Variants in KPNA3 observed in about 807,000 individuals in gnomAD.
KPNA3 encodes the protein importin subunit alpha-4.
KPNA3 carries 13 observed loss-of-function variants against 73.8 expected under a neutral mutation model. The observed-to-expected ratio is 0.18, with a 90% confidence interval of 0.11 to 0.28. The LOEUF (loss-of-function observed/expected upper bound fraction) is 0.28, where lower values mean the gene tolerates loss of function less well. KPNA3 is among the 10% of genes least tolerant of loss of function. KPNA3 has a pLI of 1.00. For missense variants in KPNA3, 360 were observed against 618.1 expected (o/e 0.58, Z 4.43); for synonymous variants, 186 against 206.9 (o/e 0.90, Z 0.87).
chr13:49,702,778 T>C (rs1238735675), intron 15 of KPNA3, among the ~76,000 whole-genome samples: 1 of 152,224 alleles, frequency 6.6e-6, no homozygotes, highest in Non-Finnish European at 1.5e-5. Flanking sequence ...GGCATAAATA[T>C]GTAAAGAGAC....
intron 11 of KPNA3, among the ~76,000 whole-genome samples, chr13:49,710,208 G>A (rs1412831988): frequency 1.3e-5 from 2 of 152,204 alleles, no homozygotes; most frequent in African/African-American, 4.8e-5. Context: ...GCTGCGGTGA[G>A]CAGAGATCGC....
intron 1 of KPNA3, among the ~76,000 whole-genome samples, chr13:49,764,779 A>C (rs1274519718): frequency 6.6e-6 from 1 of 151,844 alleles, no homozygotes; most frequent in Admixed American, 6.6e-5. Flanking sequence ...AACCTTTCTC[A>C]ATCTACATTT....
At chr13:49,737,348 C>T (rs937735741) in intron 2 of KPNA3, among the ~76,000 whole-genome samples, 1 of 152,152 alleles carries the variant, frequency 6.6e-6, no homozygotes, top group African/African-American at 2.4e-5. Flanking sequence ...TCCACATCTT[C>T]GCCAGCATTT....
intron 1 of KPNA3, among the ~76,000 whole-genome samples, chr13:49,785,030 T>G (rs1954970644): frequency 6.6e-6 from 1 of 152,062 alleles, no homozygotes; most frequent in Non-Finnish European, 1.5e-5. Flanking sequence ...CAGAGAAGGA[T>G]ATTCCAGTCA....
intron 1 of KPNA3, among the ~76,000 whole-genome samples, chr13:49,789,062 T>G (rs758575935): frequency 1.3e-5 from 2 of 152,154 alleles, no homozygotes; most frequent in Non-Finnish European, 2.9e-5. Context: ...CAGCGCTATT[T>G]CTCCAAAATG....
intron 1 of KPNA3, among the ~76,000 whole-genome samples, chr13:49,784,286 T>TA (rs569825686): frequency 2.0e-3 from 302 of 151,782 alleles, no homozygotes; most frequent in Admixed American, 4.0e-3. Flanking sequence ...TGAAGGGTGG[T>TA]AAAAAAACAA....
chr13:49,757,119 G>A (rs141083468), intron 1 of KPNA3, among the ~76,000 whole-genome samples: 3 of 152,230 alleles, frequency 2.0e-5, no homozygotes, highest in Non-Finnish European at 4.4e-5. Context: ...GGGATCTGGG[G>A]CTAGGCAAAG....
intron 1 of KPNA3, among the ~76,000 whole-genome samples, chr13:49,767,475 T>A (rs868065878): frequency 6.6e-6 from 1 of 151,480 alleles, no homozygotes; most frequent in Non-Finnish European, 1.5e-5. Context: ...TAAAAAGAAC[T>A]ATTACAAATT....
At chr13:49,777,012 C>T (rs1250873675) in intron 1 of KPNA3, among the ~76,000 whole-genome samples, 1 of 152,210 alleles carries the variant, frequency 6.6e-6, no homozygotes, top group East Asian at 1.9e-4. Context: ...ATATGCATCT[C>T]TACAATCTGT....
Position 49,701,127 on chromosome 13 carries a change from T to A in KPNA3, c.*673A>T, listed in dbSNP as rs958032159. ...AATGGCAAAAGCATTAATATCCATA[T>A]CTAAAGTTCTTCCTCCAACCCTGGC... On this transcript the variant is annotated 3_prime_UTR_variant, in exon 17 of 17. Coordinates refer to ENST00000261667, the MANE Select transcript of KPNA3 (RefSeq NM_002267.4). 40 of 161,310 alleles carry A rather than the reference T, an allele frequency of 2.5e-4. No individual in the cohort carries two copies. Among genetic ancestry groups the A allele is most frequent in the African/African-American group, 8.7e-4 (36 of 41,452 alleles). The allele number at this position is 161,310 out of a possible 1,614,324, so 10.0% of individuals were successfully genotyped here.
At chr13:49,760,216 C>G (rs1954747483) in intron 1 of KPNA3, among the ~76,000 whole-genome samples, 1 of 151,990 alleles carries the variant, frequency 6.6e-6, no homozygotes, top group Non-Finnish European at 1.5e-5. Context: ...TCAAGACCAG[C>G]CTGGGCAACA....
At chr13:49,769,700 G>GGA (rs1235161063) in intron 1 of KPNA3, among the ~76,000 whole-genome samples, 12 of 152,132 alleles carry the variant, frequency 7.9e-5, no homozygotes, top group African/African-American at 2.9e-4. Flanking sequence ...CATTTGGGTT[G>GGA]TTTCCACTTT....
At chr13:49,732,544 A>C in intron 5 of KPNA3, 61 bp downstream of exon 5, 1 of 1,449,402 alleles carries the variant, frequency 6.9e-7, no homozygotes, top group Non-Finnish European at 9.6e-7. Context: ...TAACTTCTAG[A>C]CTACCAGGTA....
intron 7 of KPNA3, 105 bp from the exon 8 acceptor site, chr13:49,722,668 G>A (rs760172353): frequency 4.7e-6 from 3 of 641,022 alleles, no homozygotes; most frequent in East Asian, 3.0e-5. Flanking sequence ...TATTGTAGCT[G>A]GAAGAACAAA....
intron 1 of KPNA3, among the ~76,000 whole-genome samples, chr13:49,778,125 T>C (rs182088082): frequency 2.6e-3 from 403 of 152,378 alleles, no homozygotes; most frequent in Non-Finnish European, 5.0e-3. Flanking sequence ...TTCAAAATAA[T>C]GCAGGGAAGA....
intron 6 of KPNA3, 49 bp downstream of exon 6, chr13:49,732,322 T>C (rs1297665651): frequency 1.1e-6 from 1 of 936,732 alleles, no homozygotes; most frequent in Non-Finnish European, 1.7e-6. Context: ...TAATCCAAAC[T>C]TTTAAGTTAA....
rs184843243 is a variant in KPNA3 at position 49,757,836 on chromosome 13, G to C, written c.70-10843C>G. Among the ~76,000 whole-genome samples the C allele has an allele frequency of 1.4e-4, 22 of 152,192 alleles. No individual in the cohort carries two copies. In the East Asian group the frequency reaches 4.0e-3, roughly 28 times the overall value. ...ATGGAACACCATATAGCAATTAAAA[G>C]AAACAAACTGCTGATACAAACAATG... On this transcript the variant is annotated intron_variant, in intron 1 of 16. Transcript: ENST00000261667.
At chr13:49,753,549 C>A (rs553901504) in intron 1 of KPNA3, among the ~76,000 whole-genome samples, 6 of 152,322 alleles carry the variant, frequency 3.9e-5, no homozygotes, top group African/African-American at 1.4e-4. Flanking sequence ...AATTTATTTA[C>A]CTGTAGAACT....
chr13:49,745,835 G>A (rs1316878765), intron 2 of KPNA3, among the ~76,000 whole-genome samples: 13 of 151,362 alleles, frequency 8.6e-5, no homozygotes, highest in African/African-American at 2.7e-4. Context: ...AGGCTGAGGC[G>A]GGCAGATCAC....
Sources: allele counts gnomAD v4.1 joint callset (sites outside exome capture counted in the v4.1 genomes callset), GRCh38; gene constraint gnomAD v4.1.1; transcripts MANE v1.5; gene names NCBI Gene and HGNC (gene_info 2026-07-23, HGNC 2026-07-21).